The following DCDC1 variants were observed in gnomAD, a reference collection of about 807,000 sequenced individuals.
DCDC1 encodes doublecortin domain containing 1, also known as doublecortin domain-containing protein 1.
Under a neutral mutation model 178.3 loss-of-function variants are expected in DCDC1, and 200 were observed. That is an observed-to-expected ratio of 1.12 (90% CI 1.00 to 1.26). The LOEUF (loss-of-function observed/expected upper bound fraction) is 1.26, where lower values mean the gene tolerates loss of function less well. Among genes scored for constraint, DCDC1 ranks in the 50% most tolerant of loss-of-function variants. DCDC1 has a pLI of 0.00. For missense variants in DCDC1, 1,983 were observed against 1,749.2 expected, an observed-to-expected ratio of 1.13 and a Z score of -2.38; for synonymous variants, 690 against 604.8, an observed-to-expected ratio of 1.14 and a Z score of -2.07.
rs182931724 is a variant in DCDC1, at chr11:31,031,333, T to C, written c.2591+33136A>G. 1.3e-3 allele frequency among the ~76,000 whole-genome samples: 194 copies of C among 152,218 alleles called. 1 individual carries two copies. Among genetic ancestry groups the C allele is most frequent in the African/African-American group, 4.1e-3 (170 of 41,576 alleles). ...CTTCTCAAATCCATATCATTGTGCT[T>C]TTCCGAAAAAAAATCCCCTAACCTG... On this transcript the variant is annotated intron_variant, in intron 20 of 38. Transcript: ENST00000684477.
chr11:31,103,684 A>G lies in DCDC1; in HGVS notation c.1837T>C (p.Phe613Leu). 1 of 765,302 alleles carries G rather than the reference A, an allele frequency of 1.3e-6. No individual in the cohort carries two copies. Among genetic ancestry groups the G allele is most frequent in the Non-Finnish European group, 2.4e-6 (1 of 417,566 alleles). The allele number at this position is 765,302 out of a possible 1,614,324, so 47.4% of individuals were successfully genotyped here. A position where few individuals can be genotyped will look rare whatever the true frequency, so the allele number is the denominator to read the frequency against. ...AGCAGAACAGCATTAGGATCCAAAA[A>G]GGTCTTATATGCAACCATGATATCA... ...RGDIMVAYKT[F>L]LDPNAVLLPG... is the part of the protein sequence containing the mutation. The change falls in exon 14 of 39, where the codon TTT (phenylalanine) becomes CTT (leucine). Residue 613 changes from phenylalanine (F) to leucine (L), a missense_variant. Physicochemically the swap from Phe to Leu is conservative, Grantham distance 22. Transcript: ENST00000684477.
intron 8 of DCDC1, among the ~76,000 whole-genome samples, chr11:31,248,504 A>T (rs1356399934): frequency 6.6e-6 from 1 of 152,072 alleles, no homozygotes; most frequent in Non-Finnish European, 1.5e-5. Flanking sequence ...TAAGACTCAA[A>T]GTAGGAATAA....
chr11:30,968,263 AG>A (rs1949558535), intron 20 of DCDC1, among the ~76,000 whole-genome samples: 1 of 152,108 alleles, frequency 6.6e-6, no homozygotes, highest in South Asian at 2.1e-4. Context: ...GTCAACAGAG[AG>A]GACATGGGAA....
At chr11:30,944,415 T>C (rs753459970) in intron 21 of DCDC1, 1 of 450,904 alleles carries the variant, frequency 2.2e-6, no homozygotes, top group Non-Finnish European at 4.5e-6. Context: ...TTATTATTTA[T>C]GCTTATAGTA....
intron 21 of DCDC1, among the ~76,000 whole-genome samples, chr11:30,947,491 G>C (rs1300697325): frequency 1.3e-5 from 2 of 152,058 alleles, no homozygotes; most frequent in Non-Finnish European, 2.9e-5. Context: ...AATGGTGCTG[G>C]GGGAAAATGG....
chr11:31,212,763 A>AT, intron 9 of DCDC1, among the ~76,000 whole-genome samples: 1 of 152,258 alleles, frequency 6.6e-6, no homozygotes, highest in South Asian at 2.1e-4. Context: ...ATAAATCTGT[A>AT]TTTTTTTCAG....
chr11:31,325,672 T>C (rs1949606365), intron 3 of DCDC1, among the ~76,000 whole-genome samples: 1 of 152,096 alleles, frequency 6.6e-6, no homozygotes, highest in Non-Finnish European at 1.5e-5. Flanking sequence ...AATAAAGTGG[T>C]CACTGTATGG....
At chr11:30,882,197 T>C (rs1942746560) in intron 36 of DCDC1, 1 of 152,132 alleles carries the variant, frequency 6.6e-6, no homozygotes, top group Non-Finnish European at 1.5e-5. Context: ...ATGGCAGGGG[T>C]CAGGGCTGGG....
intron 1 of DCDC1, among the ~76,000 whole-genome samples, chr11:31,341,281 C>T (rs1035642392): frequency 6.6e-6 from 1 of 152,058 alleles, no homozygotes; most frequent in Non-Finnish European, 1.5e-5. Context: ...TTGTATTGGT[C>T]CCAGAAGAAA....
At chr11:30,960,392 GAC>G in intron 20 of DCDC1, among the ~76,000 whole-genome samples, 1 of 152,068 alleles carries the variant, frequency 6.6e-6, no homozygotes, top group Non-Finnish European at 1.5e-5. Flanking sequence ...GCAGAGTTCT[GAC>G]ACAGATTGAC....
At chr11:31,138,420 T>C (rs1202091861) in intron 9 of DCDC1, among the ~76,000 whole-genome samples, 1 of 152,224 alleles carries the variant, frequency 6.6e-6, no homozygotes, top group Non-Finnish European at 1.5e-5. Context: ...ACAAATGCTA[T>C]TTTCATGCTA....
intron 9 of DCDC1, among the ~76,000 whole-genome samples, chr11:31,189,723 C>G (rs1969920929): frequency 1.3e-5 from 2 of 152,140 alleles, no homozygotes; most frequent in Admixed American, 6.5e-5. Flanking sequence ...GTGTTTCCAT[C>G]ATCACATCCC....
chr11:30,944,911 T>A (rs1437640494), intron 21 of DCDC1, among the ~76,000 whole-genome samples: 1 of 151,540 alleles, frequency 6.6e-6, no homozygotes, highest in Non-Finnish European at 1.5e-5. Context: ...TTTGTATTCA[T>A]GCCTAAGATT....
chr11:31,358,168 C>T (rs1158173830), intron 1 of DCDC1, among the ~76,000 whole-genome samples: 11 of 151,074 alleles, frequency 7.3e-5, no homozygotes, highest in Admixed American at 3.3e-4. Context: ...GGAGGCATCA[C>T]GCTACCTGAC....
chr11:30,979,766 C>A (rs927937816), intron 20 of DCDC1, among the ~76,000 whole-genome samples: 11 of 152,150 alleles, frequency 7.2e-5, no homozygotes, highest in Non-Finnish European at 1.3e-4. Flanking sequence ...CTAGTTTGAA[C>A]AGTAATTTTA....
rs1336239744 is a variant in DCDC1, at chr11:31,094,167, G to A, written c.2001C>T (p.Val667=). Residue 667 remains valine, a synonymous_variant, in exon 16 of 39, where the codon GTC becomes GTT. Transcript: ENST00000684477. ...TTCCAATGGAAACAGAGGCATGAAG[G>A]ACAATATTGGGATCTACCTGTATCA... is the stretch of plus-strand genomic sequence containing the variant. ...FLQNKVDPNI[V]LHASVSIGKW... is the part of the protein sequence containing the mutation. 1 of 766,044 alleles carries A rather than the reference G, an allele frequency of 1.3e-6. No homozygotes were observed. The highest frequency in any genetic ancestry group is 2.4e-5 in the East Asian group (1 of 41,212). 47.5% of individuals were successfully genotyped at this position (766,044 alleles called of 1,614,324 possible).
chr11:30,916,046 G>C (rs1217048370), intron 26 of DCDC1, among the ~76,000 whole-genome samples: 1 of 152,124 alleles, frequency 6.6e-6, no homozygotes, highest in African/African-American at 2.4e-5. Context: ...TAAGAGAATG[G>C]GGGCAGGGGC....
intron 17 of DCDC1, among the ~76,000 whole-genome samples, chr11:31,089,296 T>C (rs1435641891): frequency 6.6e-6 from 1 of 152,196 alleles, no homozygotes; most frequent in Non-Finnish European, 1.5e-5. Flanking sequence ...CAACAAGAAA[T>C]CTGCTGTCAG....
chr11:31,296,306 C>T lies in DCDC1; in HGVS notation c.755-5454G>A, dbSNP rs186330826. On this transcript the variant is annotated intron_variant, in intron 6 of 38. Coordinates refer to ENST00000684477, the MANE Select transcript of DCDC1 (RefSeq NM_001387274.1). ...TACCCTAGTTTGAAGCACTGTTTTA[C>T]CTAAGCAAATCTGTTCATTATCCCT... Among the ~76,000 whole-genome samples the T allele has an allele frequency of 5.9e-5, 9 of 152,224 alleles. No homozygotes were observed. The East Asian group carries it at 1.5e-3, about 26-fold the overall frequency.
Sources: gnomAD v4.1 joint callset for allele counts (sites outside exome capture counted in the v4.1 genomes callset) on GRCh38, gnomAD v4.1.1 for gene constraint, MANE v1.5 for transcripts, NCBI Gene and HGNC (gene_info 2026-07-23, HGNC 2026-07-21) for gene names.